Variants in FRK observed in about 807,000 individuals in gnomAD.
FRK encodes the protein fyn related Src family tyrosine kinase, also known as tyrosine-protein kinase FRK.
Under a neutral mutation model 56.4 loss-of-function variants are expected in FRK, and 51 were observed. The observed-to-expected ratio is 0.90, with a 90% CI of 0.72 to 1.14. The LOEUF (loss-of-function observed/expected upper bound fraction) is 1.14, where lower values mean the gene tolerates loss of function less well. Ranked by LOEUF, FRK falls within the 50% of genes most tolerant of loss-of-function variation. The pLI, the probability that FRK is intolerant of heterozygous loss-of-function variation, is 0.00. For missense variants in FRK, 570 were observed against 601.4 expected, an observed-to-expected ratio of 0.95 and a Z score of 0.55; for synonymous variants, 245 against 217.9, an observed-to-expected ratio of 1.12 and a Z score of -1.10.
chr6:116,082,086 T>C, the FRK span, among the ~76,000 whole-genome samples: 1 of 152,120 alleles, frequency 6.6e-6, no homozygotes, highest in Non-Finnish European at 1.5e-5. Context: ...CACAGATATC[T>C]AGGAAAAGAG....
intron 2 of FRK, among the ~76,000 whole-genome samples, chr6:115,993,064 G>A (rs1308345644): frequency 2.0e-5 from 3 of 151,804 alleles, no homozygotes; most frequent in Non-Finnish European, 4.4e-5. Context: ...TAATGTAGGA[G>A]AGTGTCCTTA....
At chr6:115,991,879 A>G (rs778419752) in intron 2 of FRK, among the ~76,000 whole-genome samples, 7 of 151,624 alleles carry the variant, frequency 4.6e-5, no homozygotes, top group Non-Finnish European at 1.0e-4. Context: ...AGTATAACTT[A>G]GCTGTGAATC....
chr6:116,028,347 TG>T (rs1251109109), intron 1 of FRK, among the ~76,000 whole-genome samples: 4 of 152,198 alleles, frequency 2.6e-5, no homozygotes, highest in Admixed American at 1.3e-4. Flanking sequence ...AAAAACTGGA[TG>T]TTTTTTTCTT....
At chr6:116,037,617 T>C (rs1425723872) in intron 1 of FRK, among the ~76,000 whole-genome samples, 1 of 152,254 alleles carries the variant, frequency 6.6e-6, no homozygotes, top group African/African-American at 2.4e-5. Context: ...CATACTATTA[T>C]CTGTCTACTC....
the FRK span, among the ~76,000 whole-genome samples, chr6:116,097,135 TA>T: frequency 0.18 from 27,167 of 151,396 alleles, 2,911 homozygotes; most frequent in African/African-American, 0.29. Flanking sequence ...TTAAGATTAC[TA>T]AAAAAAAATA....
At chr6:115,959,495 G>A (rs1331496698) in intron 4 of FRK, among the ~76,000 whole-genome samples, 1 of 152,158 alleles carries the variant, frequency 6.6e-6, no homozygotes, top group Non-Finnish European at 1.5e-5. Context: ...CATATACACA[G>A]TGATTGTGAA....
chr6:116,001,266 GC>G (rs1244759770), intron 2 of FRK, among the ~76,000 whole-genome samples: 11 of 151,400 alleles, frequency 7.3e-5, no homozygotes, highest in African/African-American at 2.7e-4. Context: ...GAAAAATGGA[GC>G]TTGGATCCAT....
intron 1 of FRK, among the ~76,000 whole-genome samples, chr6:116,055,292 T>A (rs1313746584): frequency 6.6e-6 from 1 of 152,188 alleles, no homozygotes; most frequent in Non-Finnish European, 1.5e-5. Flanking sequence ...ACTTTTATAC[T>A]TCAGAACATT....
At chr6:116,015,734 C>T (rs578100927) in intron 1 of FRK, among the ~76,000 whole-genome samples, 83 of 152,128 alleles carry the variant, frequency 5.5e-4, no homozygotes, top group Non-Finnish European at 1.1e-3. Flanking sequence ...GTCACTCATG[C>T]TATGCTTTGG....
intron 1 of FRK, among the ~76,000 whole-genome samples, chr6:116,005,534 C>T (rs895051854): frequency 1.3e-5 from 2 of 152,170 alleles, no homozygotes; most frequent in African/African-American, 4.8e-5. Context: ...CAGCCAATCC[C>T]ACCATTTCCC....
intron 1 of FRK, among the ~76,000 whole-genome samples, chr6:116,058,693 G>A (rs1173795957): frequency 2.0e-5 from 3 of 152,002 alleles, no homozygotes; most frequent in South Asian, 2.1e-4. Flanking sequence ...GGCGGATCAC[G>A]AGGTCAGGAG....
intron 1 of FRK, among the ~76,000 whole-genome samples, chr6:116,047,650 G>A (rs12524249): frequency 0.52 from 56,128 of 107,066 alleles, 10,908 homozygotes; most frequent in Middle Eastern, 0.59. Context: ...TCATGAGTCT[G>A]AAGGTTACCA....
chr6:115,998,030 C>G (rs906512119), intron 2 of FRK, among the ~76,000 whole-genome samples: 1 of 152,182 alleles, frequency 6.6e-6, no homozygotes, highest in Non-Finnish European at 1.5e-5. Flanking sequence ...ATCCCCAGTC[C>G]TTGGGCGACT....
intron 6 of FRK, among the ~76,000 whole-genome samples, chr6:115,943,608 A>G (rs1772294887): frequency 6.6e-6 from 1 of 152,058 alleles, no homozygotes; most frequent in Non-Finnish European, 1.5e-5. Flanking sequence ...AGTAGGATCC[A>G]AGTGTTTTAA....
chr6:116,068,721 C>A, the FRK span, among the ~76,000 whole-genome samples: 2 of 151,984 alleles, frequency 1.3e-5, no homozygotes, highest in Non-Finnish European at 2.9e-5. Context: ...AATCATGAAA[C>A]CCTATTTCTA....
intron 1 of FRK, among the ~76,000 whole-genome samples, chr6:116,042,898 A>G (rs1405566005): frequency 6.6e-6 from 1 of 152,200 alleles, no homozygotes; most frequent in Non-Finnish European, 1.5e-5. Context: ...AATATTTACC[A>G]AGTAAATGGA....
chr6:115,994,338 C>CCCTTTT (rs1554230544), intron 2 of FRK, among the ~76,000 whole-genome samples: 4 of 91,770 alleles, frequency 4.4e-5, no homozygotes, highest in Non-Finnish European at 9.7e-5. Flanking sequence ...CCCCCCCCGC[C>CCCTTTT]TTTTTTTTGT....
chr6:116,096,268 G>A, the FRK span, among the ~76,000 whole-genome samples: 23 of 152,274 alleles, frequency 1.5e-4, no homozygotes, highest in Admixed American at 9.8e-4. Flanking sequence ...AATGGTCATC[G>A]CCCAATTCCC....
chr6:115,997,094 T>C (rs1441922843), intron 2 of FRK, among the ~76,000 whole-genome samples: 1 of 152,208 alleles, frequency 6.6e-6, no homozygotes, highest in Non-Finnish European at 1.5e-5. Context: ...CTGCCCTTAA[T>C]GAACACATAA....
Sources: gnomAD v4.1 joint callset for allele counts (sites outside exome capture counted in the v4.1 genomes callset) on GRCh38, gnomAD v4.1.1 for gene constraint, MANE v1.5 for transcripts, NCBI Gene and HGNC (gene_info 2026-07-23, HGNC 2026-07-21) for gene names.